FAM210A: variants seen among roughly 807,000 people sequenced by gnomAD.
The protein encoded by FAM210A is mitochondrial inner membrane scaffold 1.
A neutral mutation model predicts 25.3 loss-of-function variants in FAM210A; 13 were observed. The observed-to-expected ratio is 0.51, with a 90% CI of 0.33 to 0.82. FAM210A has a LOEUF of 0.82. FAM210A is among the 40% of genes least tolerant of loss of function. The pLI, the probability that FAM210A is intolerant of heterozygous loss-of-function variation, is 0.02. For synonymous variants in FAM210A, 125 were observed against 118.7 expected, an observed-to-expected ratio of 1.05 and a Z score of -0.35; for missense variants, 319 against 323.2, an observed-to-expected ratio of 0.99 and a Z score of 0.10.
chr18:13,718,309 A>T (rs2043875992), intron 1 of FAM210A, among the ~76,000 whole-genome samples: 1 of 152,286 alleles, frequency 6.6e-6, no homozygotes, highest in African/African-American at 2.4e-5. Context: ...TGTTACAGGG[A>T]CTACAAAAAT....
intron 1 of FAM210A, chr18:13,687,859 C>G (rs755920904): frequency 2.6e-5 from 4 of 152,172 alleles, no homozygotes; most frequent in African/African-American, 9.7e-5. Flanking sequence ...TTCTTCCTTA[C>G]GCCCATCAGT....
intron 1 of FAM210A, among the ~76,000 whole-genome samples, chr18:13,684,124 C>T (rs1450057038): frequency 5.3e-5 from 8 of 152,138 alleles, no homozygotes; most frequent in African/African-American, 1.2e-4. Flanking sequence ...GGGCTGGGAG[C>T]GGTGGCTCAC....
intron 1 of FAM210A, among the ~76,000 whole-genome samples, chr18:13,686,307 AG>A: frequency 6.6e-6 from 1 of 152,214 alleles, no homozygotes; most frequent in East Asian, 1.9e-4. Flanking sequence ...ACCTCCTCTG[AG>A]CTGTGTATTC....
At chr18:13,695,099 A>G (rs2043681097) in intron 1 of FAM210A, among the ~76,000 whole-genome samples, 1 of 152,272 alleles carries the variant, frequency 6.6e-6, no homozygotes, top group South Asian at 2.1e-4. Flanking sequence ...TGCAGCCAAC[A>G]GACACATGAA....
chr18:13,707,833 C>T (rs557144889), intron 1 of FAM210A, among the ~76,000 whole-genome samples: 6 of 152,310 alleles, frequency 3.9e-5, no homozygotes, highest in East Asian at 1.9e-4. Flanking sequence ...ATAAGGCAAA[C>T]GCCGACCTGT....
intron 2 of FAM210A, among the ~76,000 whole-genome samples, chr18:13,673,951 CCCGACTTCTTTATTTCCA>C (rs2043467763): frequency 1.3e-5 from 1 of 76,338 alleles, no homozygotes; most frequent in African/African-American, 5.9e-5. Flanking sequence ...ATTCCTGAGC[CCCGACTTCTTTATTTCCA>C]GTTTCCTGAC....
At chr18:13,700,413 A>G (rs2043729768) in intron 1 of FAM210A, among the ~76,000 whole-genome samples, 1 of 152,176 alleles carries the variant, frequency 6.6e-6, no homozygotes, top group African/African-American at 2.4e-5. Context: ...CTATAGACAG[A>G]ATCTCTGACA....
chr18:13,701,235 C>T (rs79065920), intron 1 of FAM210A, among the ~76,000 whole-genome samples: 2,224 of 151,772 alleles, frequency 0.015, 57 homozygotes, highest in African/African-American at 0.05. Flanking sequence ...TCTCAGATTT[C>T]GGAGCTCTAC....
chr18:13,673,215 A>C, intron 2 of FAM210A, among the ~76,000 whole-genome samples: 1 of 136,990 alleles, frequency 7.3e-6, no homozygotes, highest in African/African-American at 2.8e-5. Flanking sequence ...CTTTATTTCC[A>C]GTTTCCTGAT....
Position 13,663,922 on chromosome 18 carries a change from G to A in FAM210A, c.*2558C>T, listed in dbSNP as rs2043379932. ...GGTTATAGGTGAATTAATCCCAAGT[G>A]TGAGGTGTACTGTAAATGAAATGAG... On this transcript the variant is annotated 3_prime_UTR_variant, in exon 4 of 4. Coordinates refer to ENST00000651643, the MANE Select transcript of FAM210A (RefSeq NM_152352.4). 1 of 152,192 alleles carries A rather than the reference G, an allele frequency of 6.6e-6. No individual in the cohort carries two copies. 9.4% of individuals were successfully genotyped at this position (152,192 alleles called of 1,614,324 possible). A position where few individuals can be genotyped will look rare whatever the true frequency, so the allele number is the denominator to read the frequency against.
intron 1 of FAM210A, among the ~76,000 whole-genome samples, chr18:13,695,788 C>G (rs902021864): frequency 6.6e-6 from 1 of 151,886 alleles, no homozygotes; most frequent in African/African-American, 2.4e-5. Flanking sequence ...GTGCAGCACA[C>G]CAACATGGCA....
intron 1 of FAM210A, among the ~76,000 whole-genome samples, chr18:13,695,166 A>G (rs984256676): frequency 2.6e-5 from 4 of 152,244 alleles, no homozygotes; most frequent in African/African-American, 7.2e-5. Context: ...ACAATGAGAT[A>G]CCATCTCACG....
chr18:13,704,165 A>C (rs1429453757), intron 1 of FAM210A, among the ~76,000 whole-genome samples: 1 of 152,224 alleles, frequency 6.6e-6, no homozygotes, highest in Non-Finnish European at 1.5e-5. Context: ...ATAGTTTTAC[A>C]TGCAAGGCGT....
intron 1 of FAM210A, among the ~76,000 whole-genome samples, chr18:13,686,345 A>G (rs1019750807): frequency 1.3e-5 from 2 of 152,042 alleles, no homozygotes; most frequent in African/African-American, 2.4e-5. Flanking sequence ...TGTTATTGCC[A>G]TAAGTAACTA....
chr18:13,674,987 T>C lies in FAM210A; in HGVS notation c.474-3014A>G, dbSNP rs1361475271. Reference sequence around the variant, plus strand: ...ATTAACATTCCTGAGCCCTGGCTTCTTTATTTCCTGTTTCCTGATTATTAA... The same window carrying C: ...ATTAACATTCCTGAGCCCTGGCTTCCTTATTTCCTGTTTCCTGATTATTAA... On this transcript the variant is annotated intron_variant, in intron 2 of 3. Coordinates refer to ENST00000651643, the MANE Select transcript of FAM210A (RefSeq NM_152352.4). Among the ~76,000 whole-genome samples the C allele has an allele frequency of 1.6e-4, 24 of 148,568 alleles. 1 individual carries two copies. Among genetic ancestry groups the C allele is most frequent in the African/African-American group, 5.2e-4 (21 of 40,480 alleles).
Position 13,719,395 on chromosome 18 carries a change from C to T in FAM210A, c.-29+6934G>A, listed in dbSNP as rs571375918. ...GAAGAAGTAAGTAAAAATGGGGAAGCCCTAATTTTTAAGTCTGCCTTGAAA... is the reference window on the plus strand; with the variant it reads ...GAAGAAGTAAGTAAAAATGGGGAAGTCCTAATTTTTAAGTCTGCCTTGAAA... On this transcript the variant is annotated intron_variant, in intron 1 of 3. Coordinates refer to ENST00000651643, the MANE Select transcript of FAM210A (RefSeq NM_152352.4). Among the ~76,000 whole-genome samples the T allele has an allele frequency of 9.9e-5, 15 of 152,272 alleles. No homozygotes were observed. In the South Asian group the frequency reaches 3.1e-3, roughly 32 times the overall value.
At chr18:13,710,780 T>G (rs563046027) in intron 1 of FAM210A, among the ~76,000 whole-genome samples, 1 of 152,230 alleles carries the variant, frequency 6.6e-6, no homozygotes, top group South Asian at 2.1e-4. Context: ...CATCCCCTAG[T>G]CTTCTGCCCA....
At chr18:13,691,093 G>C (rs1760983960) in intron 1 of FAM210A, among the ~76,000 whole-genome samples, 1 of 152,298 alleles carries the variant, frequency 6.6e-6, no homozygotes, top group East Asian at 1.9e-4. Flanking sequence ...CATAGCACGA[G>C]AACTACGTGA....
Position 13,681,751 on chromosome 18 carries a change from C to A in FAM210A, c.327G>T (p.Lys109Asn). 6.2e-7 allele frequency: 1 copy of A among 1,614,110 alleles called. No homozygotes were observed. The highest frequency in any genetic ancestry group is 1.1e-5 in the South Asian group (1 of 91,072). The change falls in exon 2 of 4, where the codon AAG becomes AAT. Residue 109 changes from lysine to asparagine, a missense_variant. Transcript: ENST00000651643. ...TGTCTTGCAAAGGATCAGGCTCTTC[C>A]TTTTTTTCCGGAGTTCCCTGAGCTG... ...SATAQGTPEKKEEPDPLQDKS... is the reference protein window; with the variant it reads ...SATAQGTPEKNEEPDPLQDKS...
Sources: gnomAD v4.1 joint callset for allele counts (sites outside exome capture counted in the v4.1 genomes callset) on GRCh38, gnomAD v4.1.1 for gene constraint, MANE v1.5 for transcripts, NCBI Gene and HGNC (gene_info 2026-07-23, HGNC 2026-07-21) for gene names.